FAP: variants seen among roughly 807,000 people sequenced by gnomAD.
FAP encodes fibroblast activation protein alpha, also known as prolyl endopeptidase FAP.
FAP carries 110 observed loss-of-function variants against 126.5 expected under a neutral mutation model. The observed-to-expected ratio is 0.87, with a 90% CI of 0.74 to 1.02. The LOEUF (loss-of-function observed/expected upper bound fraction) is 1.02. Ranked by LOEUF, FAP falls within the 50% of genes least tolerant of loss-of-function variation. The probability of loss-of-function intolerance (pLI) is 0.00; values close to 1 mark genes in which losing one functional copy is unlikely to be tolerated. For missense variants in FAP, 919 were observed against 909.2 expected, an observed-to-expected ratio of 1.01 and a Z score of -0.14; for synonymous variants, 334 against 297.3, an observed-to-expected ratio of 1.12 and a Z score of -1.27.
At chr2:162,205,835 T>A (rs1300972012) in intron 12 of FAP, among the ~76,000 whole-genome samples, 3 of 152,114 alleles carry the variant, frequency 2.0e-5, no homozygotes, top group African/African-American at 4.8e-5. Flanking sequence ...TATTCCTCAT[T>A]GTGAAACACA....
chr2:162,179,794 A>ATC (rs1559761499), intron 21 of FAP, among the ~76,000 whole-genome samples: 1,788 of 64,524 alleles, frequency 0.028, 44 homozygotes, highest in African/African-American at 0.066. Context: ...ATCTATCTAT[A>ATC]TATATATATA....
chr2:162,220,258 G>A (rs1689334072), intron 6 of FAP, among the ~76,000 whole-genome samples: 1 of 152,174 alleles, frequency 6.6e-6, no homozygotes. Flanking sequence ...TTTATAGAAA[G>A]TAAATATGAG....
At chr2:162,221,349 G>A (rs949804971) in intron 6 of FAP, among the ~76,000 whole-genome samples, 5 of 152,152 alleles carry the variant, frequency 3.3e-5, no homozygotes, top group Admixed American at 1.3e-4. Flanking sequence ...GGCCAATATG[G>A]AGAAACCCCG....
chr2:162,200,290 T>C (rs1688444759), intron 15 of FAP, among the ~76,000 whole-genome samples: 1 of 152,244 alleles, frequency 6.6e-6, no homozygotes, highest in Non-Finnish European at 1.5e-5. Context: ...ATTACCTCTA[T>C]ATGTACTTAA....
chr2:162,198,052 A>G (rs1688326760), intron 16 of FAP: 1 of 700,264 alleles, frequency 1.4e-6, no homozygotes. Flanking sequence ...TATAGATAAA[A>G]GGTTGCACAT....
rs573440495 is a variant in FAP, at chr2:162,171,123, C to G, written c.2182-43G>C. 51 of 1,510,816 alleles carry G rather than the reference C, an allele frequency of 3.4e-5. No individual in the cohort carries two copies. In the East Asian group the frequency reaches 8.3e-4, roughly 25 times the overall value. 93.6% of individuals were successfully genotyped at this position (1,510,816 alleles called of 1,614,324 possible). A position where few individuals can be genotyped will look rare whatever the true frequency, so the allele number is the denominator to read the frequency against. On this transcript the variant is annotated intron_variant, in intron 25 of 25. Coordinates refer to ENST00000188790, the MANE Select transcript of FAP (RefSeq NM_004460.5). ...AAGCTTGTTTTATTCCTGCAGTCATCAAATGCATTTAGCTTGGACTTTTTT... is the reference window on the plus strand; with the variant it reads ...AAGCTTGTTTTATTCCTGCAGTCATGAAATGCATTTAGCTTGGACTTTTTT...
At chr2:162,237,130 G>A (rs75052322) in intron 2 of FAP, among the ~76,000 whole-genome samples, 2 of 152,008 alleles carry the variant, frequency 1.3e-5, no homozygotes, top group Non-Finnish European at 1.5e-5. Context: ...TAAGTTCTTG[G>A]TTCTCTATAC....
chr2:162,221,039 A>C (rs906876758), intron 6 of FAP, among the ~76,000 whole-genome samples: 3 of 152,180 alleles, frequency 2.0e-5, no homozygotes, highest in Non-Finnish European at 2.9e-5. Flanking sequence ...TGTAACACAC[A>C]CTGCCTTGAT....
intron 21 of FAP, among the ~76,000 whole-genome samples, chr2:162,182,234 G>A (rs1049132413): frequency 6.6e-6 from 1 of 152,240 alleles, no homozygotes; most frequent in Admixed American, 6.5e-5. Context: ...TCTACTTTAT[G>A]GTTATTTCAA....
At chr2:162,203,931 C>T (rs1421610841) in intron 12 of FAP, among the ~76,000 whole-genome samples, 3 of 152,158 alleles carry the variant, frequency 2.0e-5, no homozygotes, top group South Asian at 2.1e-4. Context: ...GTATTTTTCC[C>T]ATTAAAAAAT....
At chr2:162,225,312 A>G (rs1484553213) in intron 4 of FAP, among the ~76,000 whole-genome samples, 171 bp downstream of exon 4, 1 of 152,176 alleles carries the variant, frequency 6.6e-6, no homozygotes, top group Non-Finnish European at 1.5e-5. Context: ...ACAAGAAGGC[A>G]AAGACAGTAG....
chr2:162,208,629 T>A (rs1180870930), intron 12 of FAP, among the ~76,000 whole-genome samples: 1 of 152,146 alleles, frequency 6.6e-6, no homozygotes, highest in Non-Finnish European at 1.5e-5. Flanking sequence ...GAAATATTTG[T>A]AATGGGAGTG....
chr2:162,201,182 G>A (rs1452684937), intron 14 of FAP, among the ~76,000 whole-genome samples: 1 of 152,142 alleles, frequency 6.6e-6, no homozygotes, highest in Non-Finnish European at 1.5e-5. Context: ...GGGAAATTCA[G>A]TTTCATGACA....
At chr2:162,238,046 T>G (rs35240564) in intron 2 of FAP, among the ~76,000 whole-genome samples, 2 of 139,782 alleles carry the variant, frequency 1.4e-5, no homozygotes, top group African/African-American at 2.5e-5. Context: ...GATGGGATTG[T>G]TTTTTTTTTC....
intron 6 of FAP, among the ~76,000 whole-genome samples, chr2:162,222,150 C>A (rs984536567): frequency 6.6e-6 from 1 of 152,062 alleles, no homozygotes; most frequent in Non-Finnish European, 1.5e-5. Flanking sequence ...ATTTGGCGAG[C>A]CTCACAAAAG....
At chr2:162,182,612 A>G (rs1687729765) in intron 21 of FAP, among the ~76,000 whole-genome samples, 1 of 152,204 alleles carries the variant, frequency 6.6e-6, no homozygotes, top group South Asian at 2.1e-4. Flanking sequence ...CCGCTCTCAG[A>G]GAAAACAGCC....
chr2:162,204,804 A>G (rs1224093588), intron 12 of FAP, among the ~76,000 whole-genome samples: 1 of 152,212 alleles, frequency 6.6e-6, no homozygotes, highest in Non-Finnish European at 1.5e-5. Context: ...GTCTCACCAC[A>G]TTTACCTAGA....
intron 6 of FAP, among the ~76,000 whole-genome samples, chr2:162,220,237 A>C (rs1468677792): frequency 6.6e-6 from 1 of 152,230 alleles, no homozygotes; most frequent in African/African-American, 2.4e-5. Flanking sequence ...TATCTAATAC[A>C]GTCCTCTCAT....
At chr2:162,196,513 C>A (rs115337889) in intron 16 of FAP, among the ~76,000 whole-genome samples, 20 of 149,196 alleles carry the variant, frequency 1.3e-4, no homozygotes, top group Non-Finnish European at 2.7e-4. Context: ...TGGAAACTTG[C>A]ATATCTTTTT....
Sources: gnomAD v4.1 joint callset for allele counts (sites outside exome capture counted in the v4.1 genomes callset) on GRCh38, gnomAD v4.1.1 for gene constraint, MANE v1.5 for transcripts, NCBI Gene and HGNC (gene_info 2026-07-23, HGNC 2026-07-21) for gene names.